The following TRPS1 variants were observed in gnomAD, a reference collection of about 807,000 sequenced individuals.
The protein encoded by TRPS1 is transcriptional repressor GATA binding 1.
A neutral mutation model predicts 101.2 loss-of-function variants in TRPS1; 6 were observed. The ratio of observed to expected loss-of-function variants is 0.06; its 90% confidence interval spans 0.03 to 0.12. The LOEUF is 0.12. TRPS1 is among the 10% of genes least tolerant of loss of function. The pLI, the probability that TRPS1 is intolerant of heterozygous loss-of-function variation, is 1.00. For synonymous variants in TRPS1, 578 were observed against 589.8 expected, an observed-to-expected ratio of 0.98 and a Z score of 0.29; for missense variants, 1,363 against 1,567.0, an observed-to-expected ratio of 0.87 and a Z score of 2.20.
At position 115,408,546 on chromosome 8, in the gene TRPS1, T is replaced by C. The variant is rs1812710269; in HGVS notation, c.*5477A>G. The stretch of plus-strand genomic sequence containing the variant: ...TATTCAAGTTTAGATGTAACAGACA[T>C]CTTTGCTGCCTGAAGATTGTTTGCA... On this transcript the variant is annotated 3_prime_UTR_variant, in exon 7 of 7. Transcript: ENST00000395715. 6.6e-6 allele frequency: 1 copy of C among 150,478 alleles called. No individual in the cohort carries two copies. Among genetic ancestry groups the C allele is most frequent in the African/African-American group, 2.4e-5 (1 of 40,942 alleles). 9.3% of individuals were successfully genotyped at this position (150,478 alleles called of 1,614,324 possible). A position where few individuals can be genotyped will look rare whatever the true frequency, so the allele number is the denominator to read the frequency against.
chr8:115,507,262 T>G (rs1815469176), intron 5 of TRPS1, among the ~76,000 whole-genome samples: 1 of 152,054 alleles, frequency 6.6e-6, no homozygotes, highest in African/African-American at 2.4e-5. Flanking sequence ...AGAAGGGGGC[T>G]GGAACAAATA....
intron 5 of TRPS1, among the ~76,000 whole-genome samples, chr8:115,437,033 T>C (rs1486081345): frequency 1.3e-5 from 2 of 152,192 alleles, no homozygotes; most frequent in African/African-American, 4.8e-5. Context: ...AAGTAGAGCA[T>C]TGGATAGTAC....
intron 5 of TRPS1, among the ~76,000 whole-genome samples, chr8:115,505,575 T>C (rs907851920): frequency 3.3e-5 from 5 of 152,132 alleles, no homozygotes; most frequent in African/African-American, 1.2e-4. Flanking sequence ...AGCCTTCTGG[T>C]TTACCAATTT....
At position 115,413,229 on chromosome 8, in the gene TRPS1, A is replaced by G. The variant is rs538614142; in HGVS notation, c.*794T>C. On this transcript the variant is annotated 3_prime_UTR_variant, in exon 7 of 7. Coordinates refer to ENST00000395715, the MANE Select transcript of TRPS1 (RefSeq NM_014112.5). ...ACACAAGAAAGAAATACCTGGCTAA[A>G]ATGAAATCACTACAGAAGCATCGAG... is the stretch of plus-strand genomic sequence containing the variant. The G allele has an allele frequency of 4.9e-4, 75 of 152,300 alleles. No homozygotes were observed. Among genetic ancestry groups the G allele is most frequent in the African/African-American group, 1.6e-3 (67 of 41,554 alleles). The allele number at this position is 152,300 out of a possible 1,614,324, so 9.4% of individuals were successfully genotyped here. A position where few individuals can be genotyped will look rare whatever the true frequency, so the allele number is the denominator to read the frequency against.
In TRPS1 at chr8:115,619,422, C is replaced by G. The variant is rs749789189; in HGVS notation, c.676G>C (p.Ala226Pro). The change falls in exon 3 of 7, where the codon GCA (alanine) becomes CCA (proline). Residue 226 changes from alanine to proline, a missense_variant. By Grantham distance (27) the Ala-to-Pro change is conservative. Transcript: ENST00000395715. ...DLLVNDNPDP[A>P]PLSPELQDFK... Reference sequence around the variant, plus strand: ...TCCTGAAGCTCTGGAGACAGAGGTGCCGGGTCTGGGTTGTCATTCACCAGT... The same window carrying G: ...TCCTGAAGCTCTGGAGACAGAGGTGGCGGGTCTGGGTTGTCATTCACCAGT... The G allele has an allele frequency of 2.2e-5, 36 of 1,614,052 alleles. No individual in the cohort carries two copies. The highest frequency in any genetic ancestry group is 3.0e-5 in the Non-Finnish European group (35 of 1,180,036).
chr8:115,423,275 C>A (rs1192596819), intron 5 of TRPS1, among the ~76,000 whole-genome samples: 1 of 152,158 alleles, frequency 6.6e-6, no homozygotes, highest in Admixed American at 6.5e-5. Flanking sequence ...TGTCTCCAGG[C>A]CATTTCCGTT....
intron 5 of TRPS1, among the ~76,000 whole-genome samples, chr8:115,495,297 A>G (rs1209230292): frequency 2.0e-5 from 3 of 152,054 alleles, no homozygotes; most frequent in Non-Finnish European, 2.9e-5. Flanking sequence ...TTACCATGAC[A>G]ATCTGACACA....
chr8:115,501,138 T>G (rs1815308933), intron 5 of TRPS1, among the ~76,000 whole-genome samples: 1 of 152,224 alleles, frequency 6.6e-6, no homozygotes, highest in African/African-American at 2.4e-5. Context: ...TGACCACTCT[T>G]CAGAAATAAT....
intron 1 of TRPS1, among the ~76,000 whole-genome samples, chr8:115,649,718 T>G (rs1446471125): frequency 1.3e-5 from 2 of 152,224 alleles, no homozygotes; most frequent in Admixed American, 6.5e-5. Flanking sequence ...CGCAGCTCAT[T>G]TCTATGCAAA....
At chr8:115,456,491 T>C (rs1814028868) in intron 5 of TRPS1, among the ~76,000 whole-genome samples, 1 of 152,132 alleles carries the variant, frequency 6.6e-6, no homozygotes, top group South Asian at 2.1e-4. Context: ...ATATATAATA[T>C]CGATTTTACA....
intron 1 of TRPS1, among the ~76,000 whole-genome samples, chr8:115,658,075 AGC>A (rs1811714341): frequency 6.6e-6 from 1 of 152,104 alleles, no homozygotes; most frequent in African/African-American, 2.4e-5. Context: ...GGGCAGAATA[AGC>A]CAGAGGAAGC....
chr8:115,611,512 C>T (rs1382665485), intron 3 of TRPS1, among the ~76,000 whole-genome samples: 1 of 152,186 alleles, frequency 6.6e-6, no homozygotes, highest in Non-Finnish European at 1.5e-5. Flanking sequence ...GGAAAACATG[C>T]TTCTGCTGAG....
At chr8:115,661,668 T>C (rs911218207) in intron 1 of TRPS1, 20 of 151,904 alleles carry the variant, frequency 1.3e-4, no homozygotes, top group African/African-American at 4.1e-4. Flanking sequence ...GCAGAAGTAG[T>C]GCAGAATGGT....
chr8:115,498,411 C>A lies in TRPS1; in HGVS notation c.2701-79959G>T, dbSNP rs866061814. Among the ~76,000 whole-genome samples, 250 of 72,324 alleles carry A rather than the reference C, an allele frequency of 3.5e-3. 1 individual carries two copies. Among genetic ancestry groups the A allele is most frequent in the Non-Finnish European group, 4.8e-3 (203 of 42,414 alleles). The allele number at this position is 72,324 out of a possible 152,430, so 47.4% of individuals were successfully genotyped here. A position where few individuals can be genotyped will look rare whatever the true frequency, so the allele number is the denominator to read the frequency against. ...TCTCTCTCTCTCTCTCTCTCTCTCT[C>A]TCTCTATATATATATATATATATAT... On this transcript the variant is annotated intron_variant, in intron 5 of 6. Coordinates refer to ENST00000395715, the MANE Select transcript of TRPS1 (RefSeq NM_014112.5).
At chr8:115,467,617 C>A (rs1371354653) in intron 5 of TRPS1, among the ~76,000 whole-genome samples, 1 of 152,034 alleles carries the variant, frequency 6.6e-6, no homozygotes, top group African/African-American at 2.4e-5. Flanking sequence ...AGAAGGATAG[C>A]ACTGGAAATG....
intron 4 of TRPS1, among the ~76,000 whole-genome samples, chr8:115,599,587 G>A (rs1817863713): frequency 6.6e-6 from 1 of 152,094 alleles, no homozygotes; most frequent in African/African-American, 2.4e-5. Flanking sequence ...GTGAGAACAT[G>A]CGGTGTTTGG....
In TRPS1 at chr8:115,604,065, G is replaced by A; in HGVS notation, c.1904C>T (p.Thr635Ile). ...GAGGAGTACATCTACGTCAGGGGTG[G>A]TGAATGAACACTGATGGCACTGATG... ...VKHQCHQCSFTTPDVDVLLFH... is the reference protein window; with the variant it reads ...VKHQCHQCSFITPDVDVLLFH... Residue 635 changes from threonine (T) to isoleucine (I), a missense_variant, in exon 4 of 7, where the codon ACC (threonine) becomes ATC (isoleucine). Around this residue, in one of 5 missense-constraint regions of TRPS1, gnomAD observed 1,020 missense variants for 1,073.0 expected, o/e 0.95. Transcript: ENST00000395715. The surrounding 1 kb of genome is among the most constrained non-coding windows in gnomAD (Gnocchi z 4.1). The A allele has an allele frequency of 6.2e-7, 1 of 1,614,066 alleles. No individual in the cohort carries two copies. The highest frequency in any genetic ancestry group is 1.1e-5 in the South Asian group (1 of 91,088).
intron 5 of TRPS1, among the ~76,000 whole-genome samples, chr8:115,553,459 T>C (rs1220326005): frequency 1.3e-5 from 2 of 152,130 alleles, no homozygotes; most frequent in East Asian, 1.9e-4. Context: ...CACACTAATA[T>C]ACTAACATGA....
At chr8:115,603,717 C>A (rs1440633230) in intron 4 of TRPS1, among the ~76,000 whole-genome samples, 156 bp downstream of exon 4, 17 of 152,288 alleles carry the variant, frequency 1.1e-4, no homozygotes, top group Admixed American at 3.3e-4. Context: ...ACTATATCAC[C>A]TGCAAATCTG....
Sources: gnomAD v4.1 joint callset for allele counts (sites outside exome capture counted in the v4.1 genomes callset) on GRCh38, gnomAD v4.1.1 for gene constraint, gnomAD v4.1.1 regional missense constraint, Gnocchi (gnomAD v3.1) non-coding constraint, MANE v1.5 for transcripts, NCBI Gene and HGNC (gene_info 2026-07-23, HGNC 2026-07-21) for gene names.